The following RABGAP1L variants were observed in gnomAD, a reference collection of about 807,000 sequenced individuals.
The protein encoded by RABGAP1L is rab GTPase-activating protein 1-like.
RABGAP1L carries 63 observed loss-of-function variants against 137.7 expected under a neutral mutation model. The ratio of observed to expected loss-of-function variants is 0.46; its 90% CI spans 0.37 to 0.56. The LOEUF (loss-of-function observed/expected upper bound fraction) is 0.56, where lower values mean the gene tolerates loss of function less well. Ranked by LOEUF, RABGAP1L falls within the 20% of genes least tolerant of loss-of-function variation. The probability of loss-of-function intolerance (pLI) is 0.00; values close to 1 mark genes in which losing one functional copy is unlikely to be tolerated. For missense variants in RABGAP1L, 1,095 were observed against 1,244.0 expected, an observed-to-expected ratio of 0.88 and a Z score of 1.80; for synonymous variants, 431 against 433.7, an observed-to-expected ratio of 0.99 and a Z score of 0.08.
intron 17 of RABGAP1L, among the ~76,000 whole-genome samples, chr1:174,704,526 A>G (rs1340553667): frequency 6.6e-6 from 1 of 152,222 alleles, no homozygotes; most frequent in African/African-American, 2.4e-5. Context: ...AAGAGTTTTA[A>G]TCATTTGTAC....
At position 174,608,611 on chromosome 1, in the gene RABGAP1L, A is replaced by G. The variant is rs530655810; in HGVS notation, c.1711-28764A>G. Among the ~76,000 whole-genome samples, 17 of 152,332 alleles carry G rather than the reference A, an allele frequency of 1.1e-4. No individual in the cohort carries two copies. The South Asian group carries it at 1.4e-3, about 13-fold the overall frequency. ...CATTCAGACAGAGGAAATTACACAA[A>G]AGCCTTGAAGCTTAAAGAAAAGCAC... On this transcript the variant is annotated intron_variant, in intron 13 of 25. Transcript: ENST00000681986.
chr1:174,763,993 TTCTAA>T (rs1266378806), intron 18 of RABGAP1L, among the ~76,000 whole-genome samples: 1 of 152,208 alleles, frequency 6.6e-6, no homozygotes, highest in East Asian at 1.9e-4. Flanking sequence ...ACCTGACAAC[TTCTAA>T]TCTGTTTTCT....
At chr1:174,440,255 G>A (rs1166342196) in intron 13 of RABGAP1L, among the ~76,000 whole-genome samples, 1 of 152,164 alleles carries the variant, frequency 6.6e-6, no homozygotes, top group African/African-American at 2.4e-5. Context: ...TATCATAAGG[G>A]CAATGTAAAA....
intron 20 of RABGAP1L, among the ~76,000 whole-genome samples, chr1:174,958,926 G>A (rs1405452591): frequency 6.6e-6 from 1 of 152,146 alleles, no homozygotes; most frequent in Non-Finnish European, 1.5e-5. Context: ...GTATGTTAAG[G>A]ACTCAGCTCA....
chr1:174,231,525 AATTGT>A (rs1186267811), intron 4 of RABGAP1L, among the ~76,000 whole-genome samples, 170 bp downstream of exon 4: 1 of 152,206 alleles, frequency 6.6e-6, no homozygotes, highest in African/African-American at 2.4e-5. Context: ...GCATTTGAAC[AATTGT>A]ATTAGTCTAT....
intron 19 of RABGAP1L, among the ~76,000 whole-genome samples, chr1:174,951,178 T>C: frequency 6.6e-6 from 1 of 152,204 alleles, no homozygotes; most frequent in African/African-American, 2.4e-5. Flanking sequence ...TTATTGCGCT[T>C]ATGAAACTAG....
intron 1 of RABGAP1L, among the ~76,000 whole-genome samples, chr1:174,211,845 A>G (rs12059680): frequency 0.017 from 2,663 of 152,300 alleles, 61 homozygotes; most frequent in African/African-American, 0.061. Context: ...TCTATCAGAC[A>G]AAATTGATTT....
At chr1:174,437,903 G>A (rs1322262819) in intron 13 of RABGAP1L, among the ~76,000 whole-genome samples, 1 of 152,088 alleles carries the variant, frequency 6.6e-6, no homozygotes, top group African/African-American at 2.4e-5. Context: ...GAAGAGAGTG[G>A]GGGCCAATAT....
intron 17 of RABGAP1L, among the ~76,000 whole-genome samples, chr1:174,745,691 A>T (rs1340187562): frequency 1.3e-5 from 2 of 152,198 alleles, no homozygotes; most frequent in African/African-American, 4.8e-5. Flanking sequence ...AAAATACTGG[A>T]TATAATGGGC....
At chr1:174,582,413 G>A (rs1668810363) in intron 13 of RABGAP1L, among the ~76,000 whole-genome samples, 2 of 152,094 alleles carry the variant, frequency 1.3e-5, no homozygotes, top group Admixed American at 1.3e-4. Context: ...TCAGGCAAGA[G>A]GTATTCTGGA....
intron 19 of RABGAP1L, among the ~76,000 whole-genome samples, chr1:174,839,139 A>G (rs1201408324): frequency 6.6e-6 from 1 of 151,790 alleles, no homozygotes; most frequent in Admixed American, 6.6e-5. Flanking sequence ...CCAAGGGGAT[A>G]AAGAACTAAT....
intron 12 of RABGAP1L, among the ~76,000 whole-genome samples, chr1:174,382,455 A>G (rs1340528381): frequency 4.8e-5 from 2 of 41,952 alleles, no homozygotes; most frequent in Admixed American, 3.3e-4. Flanking sequence ...GTCTTTTCAC[A>G]TAGTCCCATA....
In RABGAP1L at chr1:174,442,761, G is replaced by T. The variant is rs540416767; in HGVS notation, c.1710+48616G>T. On this transcript the variant is annotated intron_variant, in intron 13 of 25. Transcript: ENST00000681986. ...TTCTAACTTCTCTTCCAGTTATTTT[G>T]TAATATACAATAAATTGTTAACTAT... Among the ~76,000 whole-genome samples the T allele has an allele frequency of 1.4e-4, 21 of 152,072 alleles. No homozygotes were observed. In the South Asian group the frequency reaches 4.4e-3, roughly 32 times the overall value.
intron 14 of RABGAP1L, among the ~76,000 whole-genome samples, chr1:174,665,123 G>A (rs1676686065): frequency 6.6e-6 from 1 of 152,092 alleles, no homozygotes; most frequent in Non-Finnish European, 1.5e-5. Context: ...AGAAGAATTG[G>A]CATTTTATAG....
intron 24 of RABGAP1L, among the ~76,000 whole-genome samples, chr1:174,985,266 A>C (rs556339484): frequency 6.6e-6 from 1 of 152,216 alleles, no homozygotes. Context: ...GGTGGCATGC[A>C]CCTGTAGTCC....
At chr1:174,528,315 G>A (rs536809911) in intron 13 of RABGAP1L, among the ~76,000 whole-genome samples, 13 of 152,006 alleles carry the variant, frequency 8.6e-5, no homozygotes, top group African/African-American at 1.4e-4. Context: ...AAACATTTGC[G>A]TATTTTCATG....
intron 13 of RABGAP1L, among the ~76,000 whole-genome samples, chr1:174,474,769 A>T (rs1658320399): frequency 6.6e-6 from 1 of 151,730 alleles, no homozygotes; most frequent in South Asian, 2.1e-4. Context: ...CGCCCAGCTA[A>T]TTTTTGTATT....
At chr1:174,610,473 G>A (rs996421732) in intron 13 of RABGAP1L, among the ~76,000 whole-genome samples, 8 of 151,902 alleles carry the variant, frequency 5.3e-5, no homozygotes, top group African/African-American at 1.7e-4. Flanking sequence ...CATTTGGGTT[G>A]GTTCCAAGTC....
intron 18 of RABGAP1L, among the ~76,000 whole-genome samples, chr1:174,764,520 G>C (rs966052955): frequency 1.3e-5 from 2 of 152,170 alleles, no homozygotes; most frequent in Non-Finnish European, 2.9e-5. Context: ...AGTCACCTAA[G>C]TGCAAGGTCT....
Sources: allele counts gnomAD v4.1 joint callset (sites outside exome capture counted in the v4.1 genomes callset), GRCh38; gene constraint gnomAD v4.1.1; transcripts MANE v1.5; gene names NCBI Gene and HGNC (gene_info 2026-07-23, HGNC 2026-07-21).